The following POM121C variants were observed in gnomAD, a reference collection of about 807,000 sequenced individuals.
POM121C encodes nuclear envelope pore membrane protein POM 121C.
Under a neutral mutation model 66.4 loss-of-function variants are expected in POM121C, and 20 were observed. The ratio of observed to expected loss-of-function variants is 0.30; its 90% CI spans 0.21 to 0.44. The LOEUF (loss-of-function observed/expected upper bound fraction) is 0.44. Ranked by LOEUF, POM121C falls within the 20% of genes least tolerant of loss-of-function variation. The pLI is 1.00. For missense variants in POM121C, 580 were observed against 1,225.7 expected (o/e 0.47, Z 7.87); for synonymous variants, 286 against 528.0 (o/e 0.54, Z 6.28).
intron 3 of POM121C, among the ~76,000 whole-genome samples, chr7:75,452,591 T>A (rs1286541683): frequency 2.0e-5 from 3 of 152,120 alleles, no homozygotes; most frequent in African/African-American, 7.2e-5. Context: ...GCTAGAATGA[T>A]CTTTGTTCGA....
chr7:75,450,099 C>CCAAGAGGCAGCTATCTGT (rs1563148884), intron 3 of POM121C, among the ~76,000 whole-genome samples: 1 of 152,086 alleles, frequency 6.6e-6, no homozygotes, highest in Non-Finnish European at 1.5e-5. Context: ...CAGCTATCTG[C>CCAAGAGGCAGCTATCTGT]AAGCCAATGA....
At chr7:75,458,450 T>A (rs1791325310) in intron 3 of POM121C, among the ~76,000 whole-genome samples, 1 of 151,700 alleles carries the variant, frequency 6.6e-6, no homozygotes, top group Admixed American at 6.6e-5. Flanking sequence ...AGTGATTGAG[T>A]CTGGGAGATT....
chr7:75,486,142 C>A lies in POM121C; in HGVS notation c.-736G>T. ...TCCCAGCTCGAGCCTCTACCCGGCC[C>A]GCGCGAACCCTGGGCCGCACAGCTC... is the stretch of plus-strand genomic sequence containing the variant. On this transcript the variant is annotated 5_prime_UTR_variant, in exon 1 of 15. Coordinates refer to ENST00000615331, the MANE Select transcript of POM121C (RefSeq NM_001099415.3). 2 of 334,864 alleles carry A rather than the reference C, an allele frequency of 6.0e-6. No individual in the cohort carries two copies. The highest frequency in any genetic ancestry group is 1.1e-5 in the Non-Finnish European group (2 of 174,624). The allele number at this position is 334,864 out of a possible 1,614,324, so 20.7% of individuals were successfully genotyped here. A position where few individuals can be genotyped will look rare whatever the true frequency, so the allele number is the denominator to read the frequency against.
chr7:75,424,699 C>T (rs587744610), intron 10 of POM121C, 71 bp from the exon 11 acceptor site: 11 of 1,585,954 alleles, frequency 6.9e-6, no homozygotes, highest in African/African-American at 6.7e-5. Flanking sequence ...TGGCTAACGC[C>T]GGTAATCTCA....
chr7:75,483,189 C>T (rs1792376139), intron 1 of POM121C, among the ~76,000 whole-genome samples: 1 of 152,148 alleles, frequency 6.6e-6, no homozygotes, highest in Admixed American at 6.5e-5. Flanking sequence ...AGGCCCTCTG[C>T]TTACATAAGC....
intron 3 of POM121C, among the ~76,000 whole-genome samples, chr7:75,461,370 A>G (rs1554476992): frequency 6.6e-6 from 1 of 152,154 alleles, no homozygotes; most frequent in Admixed American, 6.5e-5. Flanking sequence ...CAGGGTACAC[A>G]TTCTTTGCCC....
At position 75,437,581 on chromosome 7, in the gene POM121C, A is replaced by G; in HGVS notation, c.414T>C (p.Ser138=). ...CATTGCGGCTGGAGCTAGGGATGCC[A>G]CTTGTGTAAGCGCCTGTCAAGGAGC... The part of the protein sequence containing the change: ...SMSSLTGAYT[S]GIPSSSRNAI... The change falls in exon 7 of 15, where the codon AGT becomes AGC. Residue 138 remains serine, a synonymous_variant. Coordinates refer to ENST00000615331, the MANE Select transcript of POM121C (RefSeq NM_001099415.3). 6.2e-7 allele frequency: 1 copy of G among 1,613,952 alleles called. No individual in the cohort carries two copies. The highest frequency in any genetic ancestry group is 8.5e-7 in the Non-Finnish European group (1 of 1,179,862).
rs375484947 is a variant in POM121C, at chr7:75,433,559, C to T, written c.480+3956G>A. On this transcript the variant is annotated intron_variant, in intron 7 of 14. Transcript: ENST00000615331. ...TATTCCTAATAGAGGCGGGGTTTCA[C>T]CATGTTAGCCAGGATAGTCTTAATC... Among the ~76,000 whole-genome samples, 9 of 151,998 alleles carry T rather than the reference C, an allele frequency of 5.9e-5. No individual in the cohort carries two copies. The South Asian group carries it at 6.2e-4, about 11-fold the overall frequency.
chr7:75,417,270 C>T lies in POM121C; in HGVS notation c.*1526G>A, dbSNP rs1789508377. The T allele has an allele frequency of 1.1e-6, 1 of 876,862 alleles. No homozygotes were observed. The highest frequency in any genetic ancestry group is 1.4e-6 in the Non-Finnish European group (1 of 730,706). 54.3% of individuals were successfully genotyped at this position (876,862 alleles called of 1,614,324 possible). A position where few individuals can be genotyped will look rare whatever the true frequency, so the allele number is the denominator to read the frequency against. On this transcript the variant is annotated 3_prime_UTR_variant, in exon 15 of 15. Coordinates refer to ENST00000615331, the MANE Select transcript of POM121C (RefSeq NM_001099415.3). ...CATGGCCAGAAGGAGCTCTAGTCCCCCAGGAAAGCTGCCGGGGACAGCATT... is the reference window on the plus strand; with the variant it reads ...CATGGCCAGAAGGAGCTCTAGTCCCTCAGGAAAGCTGCCGGGGACAGCATT...
At chr7:75,472,160 A>C (rs1554478758) in intron 3 of POM121C, among the ~76,000 whole-genome samples, 3 of 150,362 alleles carry the variant, frequency 2.0e-5, no homozygotes, top group Non-Finnish European at 4.4e-5. Flanking sequence ...TGCTGGGATT[A>C]CAGGCATGAG....
At chr7:75,431,693 G>A (rs1375601587) in intron 7 of POM121C, among the ~76,000 whole-genome samples, 14 of 151,096 alleles carry the variant, frequency 9.3e-5, no homozygotes, top group Non-Finnish European at 1.9e-4. Flanking sequence ...GCTCATGCCT[G>A]TAATCCCAGC....
At chr7:75,427,840 G>A (rs1790016548) in intron 7 of POM121C, among the ~76,000 whole-genome samples, 1 of 152,196 alleles carries the variant, frequency 6.6e-6, no homozygotes, top group Non-Finnish European at 1.5e-5. Context: ...AGGGAAAAGA[G>A]GAAGCTTCAG....
chr7:75,473,850 G>C (rs1554478982), intron 3 of POM121C, among the ~76,000 whole-genome samples: 1 of 151,904 alleles, frequency 6.6e-6, no homozygotes, highest in African/African-American at 2.4e-5. Flanking sequence ...CACTACGTCC[G>C]GCTAATTTTT....
At chr7:75,439,847 C>T (rs1276632458) in intron 5 of POM121C, among the ~76,000 whole-genome samples, 1 of 151,720 alleles carries the variant, frequency 6.6e-6, no homozygotes, top group Non-Finnish European at 1.5e-5. Context: ...AAAACTATTC[C>T]ATTTTCATTA....
chr7:75,473,229 T>C (rs1791940155), intron 3 of POM121C, among the ~76,000 whole-genome samples: 1 of 152,048 alleles, frequency 6.6e-6, no homozygotes, highest in Non-Finnish European at 1.5e-5. Flanking sequence ...GTCAGACATA[T>C]CAATTTGGAG....
At chr7:75,479,378 G>A (rs781784563) in intron 1 of POM121C, among the ~76,000 whole-genome samples, 12 of 152,096 alleles carry the variant, frequency 7.9e-5, no homozygotes, top group African/African-American at 2.7e-4. Flanking sequence ...CACTTTGGGC[G>A]GCTGAGGCAG....
chr7:75,434,119 C>CTACT (rs1790300817), intron 7 of POM121C, among the ~76,000 whole-genome samples: 1 of 152,130 alleles, frequency 6.6e-6, no homozygotes, highest in Non-Finnish European at 1.5e-5. Flanking sequence ...ATAGGTTTCT[C>CTACT]TACTATAGGA....
At chr7:75,477,110 T>TACATACACACAC (rs1792114791) in intron 1 of POM121C, among the ~76,000 whole-genome samples, 1 of 140,590 alleles carries the variant, frequency 7.1e-6, no homozygotes, top group Non-Finnish European at 1.5e-5. Flanking sequence ...TTTGCGTGTA[T>TACATACACACAC]ACACACACAC....
rs1790673044 is a variant in POM121C, at chr7:75,442,107, G to A, written c.-151-460C>T. On this transcript the variant is annotated intron_variant, in intron 3 of 14. Coordinates refer to ENST00000615331, the MANE Select transcript of POM121C (RefSeq NM_001099415.3). ...TCAAGTCCTCGATTTCAAGCCAGCC[G>A]AGCCAGAGGATGATCTGGGAAAATC... The A allele has an allele frequency of 7.3e-6, 10 of 1,372,056 alleles. No individual in the cohort carries two copies. In the South Asian group the frequency reaches 1.0e-4, roughly 14 times the overall value. The allele number at this position is 1,372,056 out of a possible 1,614,324, so 85.0% of individuals were successfully genotyped here.
Sources: allele counts gnomAD v4.1 joint callset (sites outside exome capture counted in the v4.1 genomes callset), GRCh38; gene constraint gnomAD v4.1.1; transcripts MANE v1.5; gene names NCBI Gene and HGNC (gene_info 2026-07-23, HGNC 2026-07-21).